The following XPNPEP3 variants were observed in gnomAD, a reference collection of about 807,000 sequenced individuals.
The protein encoded by XPNPEP3 is xaa-Pro aminopeptidase 3.
Under a neutral mutation model 60.0 loss-of-function variants are expected in XPNPEP3, and 41 were observed. That is an observed-to-expected ratio of 0.68 (90% CI 0.53 to 0.89). The LOEUF (loss-of-function observed/expected upper bound fraction) is 0.89. Ranked by LOEUF, XPNPEP3 falls within the 40% of genes least tolerant of loss-of-function variation. XPNPEP3 has a pLI of 0.00. For synonymous variants in XPNPEP3, 212 were observed against 223.2 expected, an observed-to-expected ratio of 0.95 and a Z score of 0.45; for missense variants, 598 against 638.9, an observed-to-expected ratio of 0.94 and a Z score of 0.69.
intron 6 of XPNPEP3, among the ~76,000 whole-genome samples, chr22:40,909,792 A>ATAAATATT (rs1309925693): frequency 6.6e-6 from 1 of 151,460 alleles, no homozygotes; most frequent in Non-Finnish European, 1.5e-5. Context: ...AAATAAATAA[A>ATAAATATT]TAAATATTTA....
intron 4 of XPNPEP3, among the ~76,000 whole-genome samples, chr22:40,890,518 A>C (rs1458860079): frequency 1.3e-5 from 2 of 152,034 alleles, no homozygotes; most frequent in Non-Finnish European, 2.9e-5. Context: ...CAGCCTGGGC[A>C]ACAGAGTGAG....
rs1383635701 is a variant in XPNPEP3, at chr22:40,862,462, ACGGG to A, written c.64+5218_64+5221del. On this transcript the variant is annotated intron_variant, in intron 1 of 9. Coordinates refer to ENST00000357137, the MANE Select transcript of XPNPEP3 (RefSeq NM_022098.4). ...GTTTAGAAAAATGAAGTACTGACTT[ACGGG>A]TGAAGAAAGTATTCAAACAGTTGAC... 1.0e-5 allele frequency: 10 copies of A among 986,474 alleles called. No individual in the cohort carries two copies. In the Admixed American group the frequency reaches 6.1e-4, roughly 61 times the overall value. 61.1% of individuals were successfully genotyped at this position (986,474 alleles called of 1,614,324 possible).
At chr22:40,903,025 A>T (rs1418105771) in intron 4 of XPNPEP3, among the ~76,000 whole-genome samples, 1 of 152,160 alleles carries the variant, frequency 6.6e-6, no homozygotes, top group Admixed American at 6.5e-5. Context: ...CTGCTACATA[A>T]TGGTAAAGCC....
chr22:40,873,098 C>CTTTTTTTTTTTTTT (rs138353), intron 2 of XPNPEP3, among the ~76,000 whole-genome samples: 20 of 88,500 alleles, frequency 2.3e-4, no homozygotes, highest in African/African-American at 3.1e-4. Context: ...TTTTCTTTTT[C>CTTTTTTTTTTTTTT]TTTTTTTTTT....
chr22:40,914,478 G>T (rs1283456843), intron 7 of XPNPEP3, among the ~76,000 whole-genome samples, 154 bp downstream of exon 7: 1 of 132,626 alleles, frequency 7.5e-6, no homozygotes, highest in Non-Finnish European at 1.6e-5. Context: ...AGACTGTTTT[G>T]TTCATCATAT....
At chr22:40,891,194 A>G (rs1186757945) in intron 4 of XPNPEP3, among the ~76,000 whole-genome samples, 1 of 151,380 alleles carries the variant, frequency 6.6e-6, no homozygotes, top group African/African-American at 2.4e-5. Flanking sequence ...AAAAAAAAAA[A>G]AAAAAAAAGT....
intron 2 of XPNPEP3, among the ~76,000 whole-genome samples, chr22:40,874,427 T>C (rs2058019787): frequency 6.6e-6 from 1 of 151,206 alleles, no homozygotes; most frequent in Admixed American, 6.6e-5. Flanking sequence ...ACATGTGTTT[T>C]TGTTTTTGTT....
chr22:40,857,358 C>G (rs189009704), intron 1 of XPNPEP3, 113 bp downstream of exon 1: 3 of 1,185,348 alleles, frequency 2.5e-6, no homozygotes, highest in Middle Eastern at 1.9e-4. Context: ...CTCCGCTCCC[C>G]AACCCTCTGT....
At chr22:40,863,431 A>G (rs1569013491) in intron 1 of XPNPEP3, among the ~76,000 whole-genome samples, 1 of 152,112 alleles carries the variant, frequency 6.6e-6, no homozygotes, top group Non-Finnish European at 1.5e-5. Flanking sequence ...ATTTTCCATC[A>G]CATTTATAAC....
chr22:40,880,787 CAA>C (rs35246385), intron 2 of XPNPEP3, among the ~76,000 whole-genome samples: 11 of 74,740 alleles, frequency 1.5e-4, no homozygotes, highest in East Asian at 3.9e-4. Flanking sequence ...GACTCCCTCT[CAA>C]AAAAAAAAAA....
chr22:40,874,125 TAAC>T (rs914921976), intron 2 of XPNPEP3, among the ~76,000 whole-genome samples: 4 of 152,152 alleles, frequency 2.6e-5, no homozygotes, highest in African/African-American at 9.7e-5. Flanking sequence ...TGATGCTTGA[TAAC>T]AACTTTGGGG....
At chr22:40,861,386 T>G (rs1261910316) in intron 1 of XPNPEP3, 9 of 1,613,628 alleles carry the variant, frequency 5.6e-6, no homozygotes, top group Non-Finnish European at 6.8e-6. Flanking sequence ...TTTCAATAAT[T>G]TTCTTTGTAT....
chr22:40,887,980 G>A (rs4821976), intron 4 of XPNPEP3, among the ~76,000 whole-genome samples: 84,134 of 152,004 alleles, frequency 0.55, 24,105 homozygotes, highest in East Asian at 0.93. Context: ...CATTTTAACC[G>A]TTTTTAAGTA....
At chr22:40,894,287 T>C (rs1649785878) in intron 4 of XPNPEP3, among the ~76,000 whole-genome samples, 1 of 152,224 alleles carries the variant, frequency 6.6e-6, no homozygotes, top group Non-Finnish European at 1.5e-5. Context: ...TAAGCATCTC[T>C]TGAGACTCCA....
At chr22:40,874,215 C>T (rs960726161) in intron 2 of XPNPEP3, among the ~76,000 whole-genome samples, 4 of 152,014 alleles carry the variant, frequency 2.6e-5, no homozygotes, top group African/African-American at 9.7e-5. Flanking sequence ...GCCATGATTG[C>T]GCCACTGCAC....
At chr22:40,905,722 A>G (rs763863893) in intron 4 of XPNPEP3, among the ~76,000 whole-genome samples, 4 of 152,076 alleles carry the variant, frequency 2.6e-5, no homozygotes, top group Non-Finnish European at 4.4e-5. Flanking sequence ...TATTCCCACC[A>G]TTGCACCACT....
intron 2 of XPNPEP3, among the ~76,000 whole-genome samples, chr22:40,877,112 A>G (rs2058030498): frequency 6.6e-6 from 1 of 152,236 alleles, no homozygotes; most frequent in Non-Finnish European, 1.5e-5. Context: ...AGAATCATAC[A>G]GAATCATAAT....
intron 1 of XPNPEP3, chr22:40,860,443 A>G (rs1286060528): frequency 8.7e-6 from 3 of 344,836 alleles, no homozygotes; most frequent in Admixed American, 4.7e-5. Context: ...TTAAGTTATA[A>G]TGCATCAAAT....
At position 40,929,561 on chromosome 22, in the gene XPNPEP3, G is replaced by A. The variant is rs1018792181; in HGVS notation, c.*3126G>A. The A allele has an allele frequency of 6.6e-6, 1 of 152,104 alleles. No homozygotes were observed. The highest frequency in any genetic ancestry group is 1.5e-5 in the Non-Finnish European group (1 of 68,036). 9.4% of individuals were successfully genotyped at this position (152,104 alleles called of 1,614,324 possible). ...GCTTGTATGTATAGCAGCATACTTGGACATGAAACACACTTCTGGTTAGAT... is the reference window on the plus strand; with the variant it reads ...GCTTGTATGTATAGCAGCATACTTGAACATGAAACACACTTCTGGTTAGAT... On this transcript the variant is annotated 3_prime_UTR_variant, in exon 10 of 10. Transcript: ENST00000357137.
Sources: gnomAD v4.1 joint callset for allele counts (sites outside exome capture counted in the v4.1 genomes callset) on GRCh38, gnomAD v4.1.1 for gene constraint, MANE v1.5 for transcripts, NCBI Gene and HGNC (gene_info 2026-07-23, HGNC 2026-07-21) for gene names.